The following SORCS1 variants were observed in gnomAD, a reference collection of about 807,000 sequenced individuals.
SORCS1 encodes sortilin related VPS10 domain containing receptor 1, also known as VPS10 domain-containing receptor SorCS1.
SORCS1 carries 60 observed loss-of-function variants against 146.1 expected under a neutral mutation model. The ratio of observed to expected loss-of-function variants is 0.41; its 90% CI spans 0.33 to 0.51. SORCS1 has a LOEUF of 0.51. SORCS1 is among the 20% of genes least tolerant of loss of function. The probability of loss-of-function intolerance (pLI) is 0.21; values close to 1 mark genes in which losing one functional copy is unlikely to be tolerated. For synonymous variants in SORCS1, 637 were observed against 584.0 expected, an observed-to-expected ratio of 1.09 and a Z score of -1.31; for missense variants, 1,352 against 1,487.6, an observed-to-expected ratio of 0.91 and a Z score of 1.50.
At chr10:106,998,655 T>C (rs1240055406) in intron 1 of SORCS1, among the ~76,000 whole-genome samples, 1 of 152,214 alleles carries the variant, frequency 6.6e-6, no homozygotes, top group Non-Finnish European at 1.5e-5. Context: ...CAGAATGCCA[T>C]CCCCTTTCAT....
At chr10:107,112,732 T>C (rs1459533214) in intron 1 of SORCS1, among the ~76,000 whole-genome samples, 1 of 152,216 alleles carries the variant, frequency 6.6e-6, no homozygotes, top group African/African-American at 2.4e-5. Flanking sequence ...CATGGGTGGC[T>C]ATACTTATAT....
At chr10:106,942,736 A>G (rs1245969733) in intron 2 of SORCS1, among the ~76,000 whole-genome samples, 3 of 152,084 alleles carry the variant, frequency 2.0e-5, no homozygotes, top group Non-Finnish European at 4.4e-5. Context: ...TCCCTGATCT[A>G]CTACGACTGG....
In SORCS1 at chr10:106,718,278, C is replaced by T. The variant is rs17121296; in HGVS notation, c.1025-8937G>A. ...ACAGAAAATCATATACAAAGTCACA[C>T]TCAATCATGGAGAACTGAGAAGCAC... is the stretch of plus-strand genomic sequence containing the variant. On this transcript the variant is annotated intron_variant, in intron 6 of 25. Transcript: ENST00000263054. Among the ~76,000 whole-genome samples, 4 of 152,318 alleles carry T rather than the reference C, an allele frequency of 2.6e-5. No homozygotes were observed. The East Asian group carries it at 7.7e-4, about 29-fold the overall frequency.
intron 9 of SORCS1, among the ~76,000 whole-genome samples, chr10:106,698,260 CTG>C (rs1853856994): frequency 1.3e-5 from 2 of 152,308 alleles, no homozygotes; most frequent in South Asian, 4.1e-4. Context: ...TTCTTTCATA[CTG>C]GATATACCCT....
chr10:106,772,179 A>G (rs1425737369), intron 4 of SORCS1, among the ~76,000 whole-genome samples: 1 of 152,198 alleles, frequency 6.6e-6, no homozygotes, highest in Non-Finnish European at 1.5e-5. Flanking sequence ...GAGGTGTTGA[A>G]TAGAAAAGGC....
intron 1 of SORCS1, among the ~76,000 whole-genome samples, chr10:107,122,701 G>C (rs917993426): frequency 6.6e-6 from 1 of 151,802 alleles, no homozygotes; most frequent in African/African-American, 2.4e-5. Context: ...CGGACTAAAA[G>C]CAGGAAAGAA....
At chr10:107,173,971 G>A in the SORCS1 span, among the ~76,000 whole-genome samples, 282 of 152,260 alleles carry the variant, frequency 1.9e-3, 2 homozygotes, top group African/African-American at 6.5e-3. Context: ...AACCTGATAT[G>A]AAGTCCCTTA....
intron 4 of SORCS1, among the ~76,000 whole-genome samples, chr10:106,775,108 T>G (rs1860328262): frequency 6.6e-6 from 1 of 152,212 alleles, no homozygotes; most frequent in South Asian, 2.1e-4. Flanking sequence ...GGGCATCTCC[T>G]CCAGCATAAC....
intron 1 of SORCS1, among the ~76,000 whole-genome samples, chr10:106,990,679 T>C (rs1956729086): frequency 6.6e-6 from 1 of 152,210 alleles, no homozygotes; most frequent in Non-Finnish European, 1.5e-5. Flanking sequence ...ATGACAGGAC[T>C]TAAGGAGATC....
chr10:106,657,248 C>T (rs1387993401), intron 17 of SORCS1, among the ~76,000 whole-genome samples: 2 of 152,082 alleles, frequency 1.3e-5, no homozygotes, highest in Non-Finnish European at 2.9e-5. Context: ...ATGTGGTGTA[C>T]ATACACCATG....
At chr10:106,781,840 A>C (rs537435959) in intron 3 of SORCS1, among the ~76,000 whole-genome samples, 2 of 152,124 alleles carry the variant, frequency 1.3e-5, no homozygotes, top group Non-Finnish European at 2.9e-5. Flanking sequence ...TCCCAGAATG[A>C]ACCATGGAAA....
At chr10:107,160,861 A>G (rs191878983) in intron 1 of SORCS1, among the ~76,000 whole-genome samples, 125 of 152,364 alleles carry the variant, frequency 8.2e-4, no homozygotes, top group Non-Finnish European at 1.4e-3. Flanking sequence ...AAAGGCAAAT[A>G]TATATTTTAA....
intron 1 of SORCS1, among the ~76,000 whole-genome samples, chr10:106,965,565 T>G (rs1955458537): frequency 6.6e-6 from 1 of 152,234 alleles, no homozygotes; most frequent in Non-Finnish European, 1.5e-5. Flanking sequence ...GTGCCAGATA[T>G]CATAATTAAG....
chr10:106,679,252 T>C lies in SORCS1; in HGVS notation c.1740+4A>G. 6.2e-7 allele frequency: 1 copy of C among 1,608,642 alleles called. No individual in the cohort carries two copies. Among genetic ancestry groups the C allele is most frequent in the South Asian group, 1.1e-5 (1 of 89,954 alleles). On this transcript the variant is annotated splice_donor_region_variant and intron_variant, in intron 12 of 25. Coordinates refer to ENST00000263054, the MANE Select transcript of SORCS1 (RefSeq NM_052918.5). ...CAGCGATTTGACCCAGGGTATTTTC[T>C]TACCTGTCTCCAGGTGTTCCCTGCA...
intron 9 of SORCS1, 104 bp downstream of exon 9, chr10:106,699,110 A>C (rs759212809): frequency 2.5e-4 from 252 of 1,022,854 alleles, no homozygotes; most frequent in Admixed American, 3.1e-4. Context: ...ATGAGGCCAC[A>C]TAAGGAACTG....
intron 2 of SORCS1, among the ~76,000 whole-genome samples, chr10:106,896,205 G>A (rs1029645767): frequency 6.6e-6 from 1 of 152,036 alleles, no homozygotes. Context: ...AAGGCGGGTG[G>A]ATCACCTGAA....
intron 2 of SORCS1, among the ~76,000 whole-genome samples, chr10:106,936,659 C>G (rs1049827348): frequency 6.6e-6 from 1 of 152,170 alleles, no homozygotes; most frequent in African/African-American, 2.4e-5. Flanking sequence ...TTCCTGAACT[C>G]TGATTTCCTC....
chr10:106,817,511 A>C (rs559867152), intron 3 of SORCS1, among the ~76,000 whole-genome samples: 46 of 152,068 alleles, frequency 3.0e-4, no homozygotes, highest in African/African-American at 1.1e-3. Flanking sequence ...ATATTCACCC[A>C]CTCCTGTGAT....
chr10:106,793,352 G>C (rs1051493713), intron 3 of SORCS1, among the ~76,000 whole-genome samples: 44 of 152,094 alleles, frequency 2.9e-4, no homozygotes, highest in African/African-American at 1.0e-3. Context: ...GTAATGGCAA[G>C]TTCCTCAGTT....
Sources: allele counts gnomAD v4.1 joint callset (sites outside exome capture counted in the v4.1 genomes callset), GRCh38; gene constraint gnomAD v4.1.1; transcripts MANE v1.5; gene names NCBI Gene and HGNC (gene_info 2026-07-23, HGNC 2026-07-21).